NADSYN1: variants seen among roughly 807,000 people sequenced by gnomAD.
NADSYN1 encodes the protein glutamine-dependent NAD(+) synthetase.
NADSYN1 carries 80 observed loss-of-function variants against 99.3 expected under a neutral mutation model. That is an observed-to-expected ratio of 0.81 (90% CI 0.67 to 0.97). The LOEUF is 0.97. Ranked by LOEUF, NADSYN1 falls within the 50% of genes least tolerant of loss-of-function variation. The pLI is 0.00. For missense variants in NADSYN1, 859 were observed against 948.5 expected (o/e 0.91, Z 1.24); for synonymous variants, 385 against 372.1 (o/e 1.03, Z -0.40).
intron 16 of NADSYN1, among the ~76,000 whole-genome samples, chr11:71,488,891 T>G (rs1949761240): frequency 6.6e-6 from 1 of 151,970 alleles, no homozygotes; most frequent in African/African-American, 2.4e-5. Flanking sequence ...AAAAGACCAG[T>G]AGAGAGGGAG....
At chr11:71,468,036 A>G (rs1219278107) in intron 5 of NADSYN1, among the ~76,000 whole-genome samples, 1 of 152,258 alleles carries the variant, frequency 6.6e-6, no homozygotes, top group African/African-American at 2.4e-5. Flanking sequence ...GTAGTGGTGA[A>G]GCCTGGAGCC....
intron 5 of NADSYN1, among the ~76,000 whole-genome samples, chr11:71,471,570 G>A (rs1335289421): frequency 6.6e-6 from 1 of 152,214 alleles, no homozygotes; most frequent in Non-Finnish European, 1.5e-5. Flanking sequence ...AGGGAAAGGT[G>A]CAGATGAAGG....
At chr11:71,498,182 G>A (rs1339639853) in intron 19 of NADSYN1, among the ~76,000 whole-genome samples, 170 bp from the exon 20 acceptor site, 2 of 152,212 alleles carry the variant, frequency 1.3e-5, no homozygotes, top group Non-Finnish European at 1.5e-5. Flanking sequence ...TTCATAGCTC[G>A]GCCAGTGTCC....
At chr11:71,458,828 C>T (rs935631902) in intron 3 of NADSYN1, 1 of 325,568 alleles carries the variant, frequency 3.1e-6, no homozygotes, top group African/African-American at 2.1e-5. Flanking sequence ...GCATTCACCC[C>T]ACCCCGTGCA....
chr11:71,491,734 G>A lies in NADSYN1; in HGVS notation c.1695-100G>A, dbSNP rs1334414393. On this transcript the variant is annotated intron_variant, in intron 17 of 20. Transcript: ENST00000319023. ...CCTACCCACGGTGAACGGAGTGGCC[G>A]GGACCAGCGTACTCGGGAAACTTAG... 35 of 1,095,990 alleles carry A rather than the reference G, an allele frequency of 3.2e-5. No homozygotes were observed. The East Asian group carries it at 7.0e-4, about 22-fold the overall frequency. The allele number at this position is 1,095,990 out of a possible 1,614,324, so 67.9% of individuals were successfully genotyped here. A position where few individuals can be genotyped will look rare whatever the true frequency, so the allele number is the denominator to read the frequency against.
Position 71,491,833 on chromosome 11 carries a change from G to A in NADSYN1, c.1695-1G>A. Reference sequence around the variant, plus strand: ...CCGACCTCTGTGTGTTTTGGCTGCAGCATCCTGTTGGCGCCGGCCACCGCA... The same window carrying A: ...CCGACCTCTGTGTGTTTTGGCTGCAACATCCTGTTGGCGCCGGCCACCGCA... On this transcript the variant is annotated splice_acceptor_variant, in intron 17 of 20. Coordinates refer to ENST00000319023, the MANE Select transcript of NADSYN1 (RefSeq NM_018161.5). LOFTEE classifies it high-confidence loss of function. 2 of 1,613,898 alleles carry A rather than the reference G, an allele frequency of 1.2e-6. No individual in the cohort carries two copies. Among genetic ancestry groups the A allele is most frequent in the Non-Finnish European group, 1.7e-6 (2 of 1,179,964 alleles).
intron 20 of NADSYN1, chr11:71,499,183 C>T (rs952701594): frequency 1.3e-5 from 2 of 152,316 alleles, no homozygotes; most frequent in Non-Finnish European, 2.9e-5. Flanking sequence ...TCTATCCACT[C>T]ATCCATCGGT....
At chr11:71,454,995 T>C in intron 1 of NADSYN1, 115 bp from the exon 2 acceptor site, 1 of 682,734 alleles carries the variant, frequency 1.5e-6, no homozygotes, top group Non-Finnish European at 2.4e-6. Flanking sequence ...CAGAGCATTT[T>C]TGTTTGTTGT....
intron 12 of NADSYN1, chr11:71,481,721 C>T (rs1949709123): frequency 1.3e-5 from 8 of 605,974 alleles, no homozygotes; most frequent in Admixed American, 5.9e-5. Flanking sequence ...TGACACGCCC[C>T]GCAGTGAAGT....
intron 5 of NADSYN1, among the ~76,000 whole-genome samples, chr11:71,469,906 A>G (rs1949615683): frequency 1.5e-5 from 2 of 134,054 alleles, no homozygotes; most frequent in African/African-American, 5.6e-5. Flanking sequence ...AGCCCAGAAG[A>G]CAGAACAAGA....
At position 71,473,649 on chromosome 11, in the gene NADSYN1, A is replaced by C. The variant is rs773762939; in HGVS notation, c.629A>C (p.Asn210Thr). ...SGSHQVLRKA[N>T]TRVDLVTMVT... is the part of the protein sequence containing the mutation. ...AGCCACCAAGTGCTGCGCAAAGCCA[A>C]CACCAGGGTGGATCTCGTGACTATG... Residue 210 changes from asparagine (N) to threonine (T), a missense_variant, in exon 8 of 21, where the codon AAC becomes ACC. Coordinates refer to ENST00000319023, the MANE Select transcript of NADSYN1 (RefSeq NM_018161.5). The C allele has an allele frequency of 2.7e-5, 43 of 1,613,162 alleles. No individual in the cohort carries two copies. In the African/African-American group the frequency reaches 5.5e-4, roughly 20 times the overall value.
rs1213320701 is a variant in NADSYN1, at chr11:71,458,415, A to G, written c.147-13A>G. The G allele has an allele frequency of 6.2e-7, 1 of 1,604,710 alleles. No individual in the cohort carries two copies. The highest frequency in any genetic ancestry group is 8.5e-7 in the Non-Finnish European group (1 of 1,171,492). On this transcript the variant is annotated splice_polypyrimidine_tract_variant and intron_variant, in intron 2 of 20. Transcript: ENST00000319023. The stretch of plus-strand genomic sequence containing the variant: ...AGTTGTTTCTGGAGCTCACCTTCTC[A>G]CTGTCTCTGCAGCGGCTACGGATGT...
intron 18 of NADSYN1, among the ~76,000 whole-genome samples, chr11:71,493,593 AT>A (rs61188580): frequency 0.083 from 12,671 of 152,162 alleles, 627 homozygotes; most frequent in African/African-American, 0.14. Flanking sequence ...AAAAAAAATC[AT>A]TTTTTTAATA....
intron 5 of NADSYN1, 83 bp downstream of exon 5, chr11:71,464,225 T>G: frequency 8.9e-7 from 1 of 1,124,956 alleles, no homozygotes; most frequent in Non-Finnish European, 1.3e-6. Flanking sequence ...CATGGGAGTG[T>G]TACCGGTGGA....
chr11:71,481,818 A>G (rs1949709829), intron 12 of NADSYN1, 105 bp from the exon 13 acceptor site: 3 of 964,916 alleles, frequency 3.1e-6, no homozygotes. Flanking sequence ...ACCCACGTGC[A>G]TTTCTGTGGA....
At chr11:71,481,559 T>G in intron 12 of NADSYN1, 155 bp downstream of exon 12, 6 of 738,686 alleles carry the variant, frequency 8.1e-6, no homozygotes, top group African/African-American at 1.8e-5. Context: ...TAGTCTGTGC[T>G]AGCCAGAGGC....
intron 5 of NADSYN1, among the ~76,000 whole-genome samples, chr11:71,465,313 TC>T (rs1359906111): frequency 6.6e-6 from 1 of 152,128 alleles, no homozygotes; most frequent in African/African-American, 2.4e-5. Flanking sequence ...CCTTATCTGA[TC>T]AGGCCTCTGC....
chr11:71,464,315 A>C, intron 5 of NADSYN1, 173 bp downstream of exon 5: 2 of 568,270 alleles, frequency 3.5e-6, no homozygotes, highest in East Asian at 3.1e-5. Context: ...GAAGCAACCA[A>C]AGGAGAGAGT....
chr11:71,488,806 G>A (rs952465853), intron 16 of NADSYN1, among the ~76,000 whole-genome samples: 9 of 152,086 alleles, frequency 5.9e-5, no homozygotes, highest in African/African-American at 2.2e-4. Context: ...GCACCACCAC[G>A]CCTAATTTTT....
Sources: allele counts gnomAD v4.1 joint callset (sites outside exome capture counted in the v4.1 genomes callset), GRCh38; gene constraint gnomAD v4.1.1; transcripts MANE v1.5; gene names NCBI Gene and HGNC (gene_info 2026-07-23, HGNC 2026-07-21).